Variants in YME1L1 observed in about 807,000 individuals in gnomAD.
YME1L1 encodes the protein ATP-dependent zinc metalloprotease YME1L1.
A neutral mutation model predicts 90.4 loss-of-function variants in YME1L1; 39 were observed. The ratio of observed to expected loss-of-function variants is 0.43; its 90% CI spans 0.33 to 0.56. The LOEUF is 0.56. Among genes scored for constraint, YME1L1 ranks in the 20% least tolerant of loss-of-function variants. YME1L1 has a pLI of 0.03. For missense variants in YME1L1, 617 were observed against 868.4 expected (o/e 0.71, Z 3.64); for synonymous variants, 284 against 287.3 (o/e 0.99, Z 0.12).
intron 9 of YME1L1, 147 bp from the exon 10 acceptor site, chr10:27,123,846 C>T: frequency 1.3e-6 from 1 of 748,236 alleles, no homozygotes; most frequent in East Asian, 2.9e-5. Flanking sequence ...GCAAACCGTA[C>T]TTGTCTCTGC....
At chr10:27,136,196 A>G in intron 5 of YME1L1, 80 bp downstream of exon 5, 1 of 1,167,820 alleles carries the variant, frequency 8.6e-7, no homozygotes, top group Non-Finnish European at 1.3e-6. Context: ...ATCAGCCAAC[A>G]AAAGAAATCA....
intron 2 of YME1L1, among the ~76,000 whole-genome samples, chr10:27,148,285 C>T (rs1026786323): frequency 6.6e-6 from 1 of 152,086 alleles, no homozygotes; most frequent in Non-Finnish European, 1.5e-5. Context: ...TCACAGCGAC[C>T]TCTGCCTCCT....
rs368632098 is a variant in YME1L1 at position 27,123,602 on chromosome 10, G to A, written c.1047C>T (p.Ser349=). The A allele has an allele frequency of 5.8e-5, 94 of 1,613,710 alleles. No individual in the cohort carries two copies. The highest frequency in any genetic ancestry group is 8.3e-5 in the Admixed American group (5 of 59,950). Residue 349 remains serine (S), a synonymous_variant, in exon 10 of 19, where the codon TCC becomes TCT. Coordinates refer to ENST00000376016, the MANE Select transcript of YME1L1 (RefSeq NM_014263.4). The stretch of plus-strand genomic sequence containing the variant: ...CACCCACAAACATCTCATCAAATTC[G>A]GATCCAGAAGCATAATAAAAAGGAA... ...ADVPFYYASG[S]EFDEMFVGVG...
chr10:27,152,455 G>C (rs896064726), intron 1 of YME1L1, among the ~76,000 whole-genome samples: 4 of 152,160 alleles, frequency 2.6e-5, no homozygotes, highest in African/African-American at 9.7e-5. Context: ...TGTTAAGACT[G>C]CCTAGGGTAC....
rs774202908 is a variant in YME1L1, at chr10:27,147,554, A to C, written c.168+1352T>G. 60 of 1,608,202 alleles carry C rather than the reference A, an allele frequency of 3.7e-5. No individual in the cohort carries two copies. The highest frequency in any genetic ancestry group is 3.3e-5 in the South Asian group (3 of 90,246). The stretch of plus-strand genomic sequence containing the variant: ...ATGTGCCAGTTATCGGTTGTGTCCA[A>C]GCTCTTCTTCATCCTTTTTGCTGGC... On this transcript the variant is annotated intron_variant, in intron 2 of 18. Coordinates refer to ENST00000376016, the MANE Select transcript of YME1L1 (RefSeq NM_014263.4).
intron 4 of YME1L1, among the ~76,000 whole-genome samples, chr10:27,140,367 T>C (rs191597259): frequency 9.6e-4 from 147 of 152,358 alleles, no homozygotes; most frequent in Admixed American, 5.2e-3. Flanking sequence ...GAGTCTGATA[T>C]ACAGATTTTC....
At chr10:27,151,147 C>T (rs1188957634) in intron 1 of YME1L1, among the ~76,000 whole-genome samples, 1 of 152,042 alleles carries the variant, frequency 6.6e-6, no homozygotes, top group African/African-American at 2.4e-5. Flanking sequence ...GGATCTTGAT[C>T]TCCTGACCTC....
intron 3 of YME1L1, among the ~76,000 whole-genome samples, chr10:27,144,171 C>G (rs183784707): frequency 1.3e-5 from 2 of 152,314 alleles, no homozygotes; most frequent in East Asian, 3.9e-4. Context: ...TGTAAATATG[C>G]AGACTAGAAG....
chr10:27,122,032 G>A (rs764504075), intron 11 of YME1L1, among the ~76,000 whole-genome samples: 9 of 152,072 alleles, frequency 5.9e-5, no homozygotes, highest in East Asian at 1.9e-4. Context: ...TACTGTGCCC[G>A]GTGACTGTTT....
At chr10:27,143,025 C>CT (rs1373883827) in intron 3 of YME1L1, among the ~76,000 whole-genome samples, 3 of 151,052 alleles carry the variant, frequency 2.0e-5, no homozygotes, top group Non-Finnish European at 4.4e-5. Context: ...CCTACATTAT[C>CT]TTTTTTATCT....
intron 1 of YME1L1, among the ~76,000 whole-genome samples, chr10:27,151,948 T>TGAAA (rs2057224608): frequency 6.6e-6 from 1 of 152,064 alleles, no homozygotes; most frequent in African/African-American, 2.4e-5. Context: ...AAAAAATGTG[T>TGAAA]GAAAGAATTT....
In YME1L1 at chr10:27,119,805, T is replaced by C. The variant is rs2056848270; in HGVS notation, c.1412-356A>G. Among the ~76,000 whole-genome samples the C allele has an allele frequency of 2.1e-5, 3 of 143,294 alleles. No homozygotes were observed. The South Asian group carries it at 7.1e-4, about 34-fold the overall frequency. The allele number at this position is 143,294 out of a possible 152,430, so 94.0% of individuals were successfully genotyped here. On this transcript the variant is annotated intron_variant, in intron 13 of 18. Coordinates refer to ENST00000376016, the MANE Select transcript of YME1L1 (RefSeq NM_014263.4). ...GCCTAGGCAAAAAGGGCAAAACTCT[T>C]GTCTCAAAAAAAAACCAAAAAAAAA... is the stretch of plus-strand genomic sequence containing the variant.
intron 12 of YME1L1, 83 bp downstream of exon 12, chr10:27,121,303 T>C (rs2056865173): frequency 1.1e-6 from 1 of 931,424 alleles, no homozygotes; most frequent in Admixed American, 1.7e-5. Flanking sequence ...ACAGTGTTGA[T>C]GTGATCTTTT....
chr10:27,131,898 A>T lies in YME1L1; in HGVS notation c.819T>A (p.Pro273=). The part of the protein sequence containing the change: ...TTTGLDSAVD[P]VQMKNVTFEH... ...CAAAGGTGACATTTTTCATCTGGAC[A>T]GGATCTACTGCAGAATCAAGCCCTG... is the stretch of plus-strand genomic sequence containing the variant. Residue 273 remains proline, a synonymous_variant, in exon 8 of 19, where the codon CCT becomes CCA. Transcript: ENST00000376016. 1 of 1,613,174 alleles carries T rather than the reference A, an allele frequency of 6.2e-7. No individual in the cohort carries two copies. The highest frequency in any genetic ancestry group is 8.5e-7 in the Non-Finnish European group (1 of 1,179,766).
Position 27,110,431 on chromosome 10 carries a change from A to G in YME1L1, c.*1546T>C, listed in dbSNP as rs1291195712. On this transcript the variant is annotated 3_prime_UTR_variant, in exon 19 of 19. Coordinates refer to ENST00000376016, the MANE Select transcript of YME1L1 (RefSeq NM_014263.4). ...CTGTAACAATATCTATCTTTTTTCA[A>G]TGAAGACCATATACAGCTTAAATTA... 2.0e-5 allele frequency: 3 copies of G among 152,200 alleles called. No individual in the cohort carries two copies. Among genetic ancestry groups the G allele is most frequent in the Non-Finnish European group, 2.9e-5 (2 of 68,034 alleles). The allele number at this position is 152,200 out of a possible 1,614,324, so 9.4% of individuals were successfully genotyped here.
chr10:27,151,727 A>G (rs1037607141), intron 1 of YME1L1, among the ~76,000 whole-genome samples: 4 of 152,026 alleles, frequency 2.6e-5, no homozygotes, highest in African/African-American at 9.7e-5. Flanking sequence ...TAAAAATACA[A>G]AAAATTAGCC....
At chr10:27,148,476 C>T (rs1398317968) in intron 2 of YME1L1, among the ~76,000 whole-genome samples, 1 of 152,124 alleles carries the variant, frequency 6.6e-6, no homozygotes, top group African/African-American at 2.4e-5. Flanking sequence ...CTGCACAGAT[C>T]CACAGATACG....
At chr10:27,145,658 T>G in intron 2 of YME1L1, 68 bp from the exon 3 acceptor site, 2 of 1,284,796 alleles carry the variant, frequency 1.6e-6, no homozygotes, top group Non-Finnish European at 2.1e-6. Flanking sequence ...GGAGTACATA[T>G]TATCAGTTAA....
chr10:27,117,847 T>C lies in YME1L1; in HGVS notation c.1568-120A>G, dbSNP rs534418157. ...TTCCTATCAGCAGATTCTGCATCCA[T>C]AGATTCAACCAAATAAGGATTAAAA... On this transcript the variant is annotated intron_variant, in intron 14 of 18. Transcript: ENST00000376016. 44 of 976,230 alleles carry C rather than the reference T, an allele frequency of 4.5e-5. No homozygotes were observed. In the South Asian group the frequency reaches 6.9e-4, roughly 15 times the overall value. The allele number at this position is 976,230 out of a possible 1,614,324, so 60.5% of individuals were successfully genotyped here.
Sources: gnomAD v4.1 joint callset for allele counts (sites outside exome capture counted in the v4.1 genomes callset) on GRCh38, gnomAD v4.1.1 for gene constraint, MANE v1.5 for transcripts, NCBI Gene and HGNC (gene_info 2026-07-23, HGNC 2026-07-21) for gene names.